The following TNNI3K variants were observed in gnomAD, a reference collection of about 807,000 sequenced individuals.
TNNI3K encodes TNNI3 interacting kinase.
Under a neutral mutation model 114.5 loss-of-function variants are expected in TNNI3K, and 140 were observed. That is an observed-to-expected ratio of 1.22 (90% confidence interval 1.07 to 1.41). The LOEUF (loss-of-function observed/expected upper bound fraction) is 1.41. Among genes scored for constraint, TNNI3K ranks in the 40% most tolerant of loss-of-function variants. The probability of loss-of-function intolerance (pLI) is 0.00; values close to 1 mark genes in which losing one functional copy is unlikely to be tolerated. For missense variants in TNNI3K, 1,125 were observed against 1,007.6 expected (o/e 1.12, Z -1.58); for synonymous variants, 347 against 347.5 (o/e 1.00, Z 0.02).
chr1:74,273,698 C>G (rs45524031), intron 5 of TNNI3K, among the ~76,000 whole-genome samples: 1 of 151,970 alleles, frequency 6.6e-6, no homozygotes, highest in African/African-American at 2.4e-5. Context: ...GCAAACTTCA[C>G]CAAAGTATTC....
At chr1:74,415,344 T>C (rs1487260845) in intron 17 of TNNI3K, among the ~76,000 whole-genome samples, 1 of 152,164 alleles carries the variant, frequency 6.6e-6, no homozygotes, top group Non-Finnish European at 1.5e-5. Flanking sequence ...TACATCTCTC[T>C]GACCCATCAT....
chr1:74,259,918 C>T (rs571896287), intron 4 of TNNI3K, among the ~76,000 whole-genome samples: 2 of 152,160 alleles, frequency 1.3e-5, no homozygotes, highest in South Asian at 2.1e-4. Context: ...CCAGAATGTA[C>T]ATTTTTAAAA....
rs1380145191 is a variant in TNNI3K, at chr1:74,427,392, G to A, written c.1773-8688G>A. On this transcript the variant is annotated intron_variant, in intron 17 of 24. Coordinates refer to ENST00000326637, the MANE Select transcript of TNNI3K (RefSeq NM_015978.3). ...CATACTTAAATGTAACATATCTTTT[G>A]CCATCTTCTTTATTCTCTAAGGTTT... Among the ~76,000 whole-genome samples the A allele has an allele frequency of 4.2e-5, 6 of 142,882 alleles. No individual in the cohort carries two copies. In the South Asian group the frequency reaches 1.1e-3, roughly 26 times the overall value. 93.7% of individuals were successfully genotyped at this position (142,882 alleles called of 152,430 possible). A position where few individuals can be genotyped will look rare whatever the true frequency, so the allele number is the denominator to read the frequency against.
chr1:74,253,939 C>G (rs1227492636), intron 4 of TNNI3K, among the ~76,000 whole-genome samples: 1 of 152,216 alleles, frequency 6.6e-6, no homozygotes, highest in Non-Finnish European at 1.5e-5. Flanking sequence ...GGCATTAAAC[C>G]TAGTAACCAT....
chr1:74,405,235 T>C (rs568349279), intron 17 of TNNI3K, among the ~76,000 whole-genome samples: 1 of 152,080 alleles, frequency 6.6e-6, no homozygotes, highest in Non-Finnish European at 1.5e-5. Flanking sequence ...GGGGAGCATA[T>C]ACAAAAAGTT....
At chr1:74,420,038 G>A (rs894017297) in intron 17 of TNNI3K, among the ~76,000 whole-genome samples, 1 of 152,014 alleles carries the variant, frequency 6.6e-6, no homozygotes, top group Non-Finnish European at 1.5e-5. Flanking sequence ...TAGGAAGAGC[G>A]ATAAGAGAAA....
chr1:74,254,648 A>T (rs1655161728), intron 4 of TNNI3K, among the ~76,000 whole-genome samples: 1 of 152,174 alleles, frequency 6.6e-6, no homozygotes, highest in African/African-American at 2.4e-5. Flanking sequence ...TCTTTCAATT[A>T]TACACCCTGG....
chr1:74,446,476 C>G (rs1212954083), intron 20 of TNNI3K, among the ~76,000 whole-genome samples: 3 of 148,294 alleles, frequency 2.0e-5, no homozygotes, highest in Non-Finnish European at 3.0e-5. Flanking sequence ...AAAATTTTCT[C>G]CCATTTTGTA....
At chr1:74,393,276 C>CAA (rs11413460) in intron 17 of TNNI3K, among the ~76,000 whole-genome samples, 157 of 149,562 alleles carry the variant, frequency 1.0e-3, no homozygotes, top group Middle Eastern at 3.4e-3. Flanking sequence ...GCATTCTGGA[C>CAA]AAAAAAAAAT....
intron 23 of TNNI3K, among the ~76,000 whole-genome samples, chr1:74,495,874 C>T (rs1389370213): frequency 6.6e-6 from 1 of 152,158 alleles, no homozygotes; most frequent in African/African-American, 2.4e-5. Flanking sequence ...CCCAAGCCTG[C>T]CTTTTCAGCT....
At chr1:74,465,269 G>C (rs923891667) in intron 21 of TNNI3K, among the ~76,000 whole-genome samples, 2 of 152,230 alleles carry the variant, frequency 1.3e-5, no homozygotes, top group African/African-American at 4.8e-5. Flanking sequence ...AGCTTGCGGG[G>C]AGGTGTGGAG....
intron 17 of TNNI3K, among the ~76,000 whole-genome samples, chr1:74,420,677 A>C (rs1665352459): frequency 6.6e-6 from 1 of 152,148 alleles, no homozygotes; most frequent in Non-Finnish European, 1.5e-5. Flanking sequence ...AGCCATAACA[A>C]GGCAACGTTG....
At chr1:74,242,954 T>C (rs1654337863) in intron 2 of TNNI3K, among the ~76,000 whole-genome samples, 1 of 152,150 alleles carries the variant, frequency 6.6e-6, no homozygotes, top group Non-Finnish European at 1.5e-5. Context: ...CATCTCTTCT[T>C]CTTTTCCATC....
At chr1:74,270,384 C>CT (rs544923962) in intron 4 of TNNI3K, among the ~76,000 whole-genome samples, 51 of 150,162 alleles carry the variant, frequency 3.4e-4, no homozygotes, top group African/African-American at 1.0e-3. Flanking sequence ...AAAAACAAAA[C>CT]TTTTTTTTTA....
In TNNI3K at chr1:74,354,085, G is replaced by A. The variant is rs774683822; in HGVS notation, c.1133G>A (p.Gly378Asp). The A allele has an allele frequency of 1.9e-6, 3 of 1,613,894 alleles. No individual in the cohort carries two copies. In the South Asian group the frequency reaches 3.3e-5, roughly 18 times the overall value. ...LVACDPSRSS[G>D]EKDEQTCLMW... Reference sequence around the variant, plus strand: ...GCTTGTGATCCCAGCAGGTCTAGTGGTGAAAAAGATGAGCAGACATGTTTG... The same window carrying A: ...GCTTGTGATCCCAGCAGGTCTAGTGATGAAAAAGATGAGCAGACATGTTTG... The change falls in exon 11 of 25, where the codon GGT (glycine) becomes GAT (aspartate). Residue 378 changes from glycine (G) to aspartate (D), a missense_variant. By Grantham distance (94) the Gly-to-Asp change is moderately conservative (BLOSUM62 -1). Coordinates refer to ENST00000326637, the MANE Select transcript of TNNI3K (RefSeq NM_015978.3).
rs757509527 is a variant in TNNI3K, at chr1:74,367,875, A to G, written c.1265-33A>G. 7 of 1,542,904 alleles carry G rather than the reference A, an allele frequency of 4.5e-6. No individual in the cohort carries two copies. The African/African-American group carries it at 5.7e-5, about 13-fold the overall frequency. ...TTTTATGTAGAAAAAAATGATCGCT[A>G]CTTTCAACTCTATTATATAATTTAA... On this transcript the variant is annotated intron_variant, in intron 12 of 24. Coordinates refer to ENST00000326637, the MANE Select transcript of TNNI3K (RefSeq NM_015978.3).
At chr1:74,320,903 T>C (rs1018986938) in intron 5 of TNNI3K, among the ~76,000 whole-genome samples, 1 of 152,244 alleles carries the variant, frequency 6.6e-6, no homozygotes, top group Admixed American at 6.5e-5. Flanking sequence ...AGGAAAGTCA[T>C]GAAAAAAACT....
intron 5 of TNNI3K, among the ~76,000 whole-genome samples, chr1:74,329,902 G>C (rs759890658): frequency 1.6e-4 from 25 of 152,048 alleles, no homozygotes; most frequent in Non-Finnish European, 2.9e-4. Flanking sequence ...ATAAACAGAA[G>C]AGGTGATAGG....
rs34874695 is a variant in TNNI3K at position 74,331,456 on chromosome 1, G to C, written c.451G>C (p.Asp151His). The C allele has an allele frequency of 2.0e-4, 317 of 1,613,154 alleles. 3 individuals are homozygous for C. In the East Asian group the frequency reaches 5.6e-3, roughly 29 times the overall value. Residue 151 changes from aspartate (D) to histidine (H), a missense_variant, in exon 6 of 25, where the codon GAT becomes CAT. By Grantham distance (81) the Asp-to-His change is moderately conservative. Transcript: ENST00000326637. ...ATIAGHLEAA[D>H]VLLQHGANVN... ...TAATCATTTTCTTGTCCAGGCTGCT[G>C]ATGTGCTGTTGCAACATGGAGCTAA... is the stretch of plus-strand genomic sequence containing the variant.
Sources: allele counts gnomAD v4.1 joint callset (sites outside exome capture counted in the v4.1 genomes callset), GRCh38; gene constraint gnomAD v4.1.1; transcripts MANE v1.5; gene names NCBI Gene and HGNC (gene_info 2026-07-23, HGNC 2026-07-21).